RBFOX1: variants seen among roughly 807,000 people sequenced by gnomAD.
RBFOX1 encodes RNA binding fox-1 homolog 1.
A neutral mutation model predicts 57.7 loss-of-function variants in RBFOX1; 8 were observed. That is an observed-to-expected ratio of 0.14 (90% CI 0.08 to 0.25). RBFOX1 has a LOEUF of 0.25. RBFOX1 is among the 10% of genes least tolerant of loss of function. The probability of loss-of-function intolerance (pLI) is 1.00; values close to 1 mark genes in which losing one functional copy is unlikely to be tolerated. For synonymous variants in RBFOX1, 326 were observed against 222.4 expected, an observed-to-expected ratio of 1.47 and a Z score of -4.15; for missense variants, 611 against 548.5, an observed-to-expected ratio of 1.11 and a Z score of -1.14.
chr16:6,865,250 G>C (rs149330874), intron 3 of RBFOX1, among the ~76,000 whole-genome samples: 3,279 of 151,922 alleles, frequency 0.022, 122 homozygotes, highest in African/African-American at 0.07. Context: ...TGATCCACCC[G>C]CCTTGGCCTC....
At chr16:6,855,525 T>G (rs2057685208) in intron 3 of RBFOX1, among the ~76,000 whole-genome samples, 1 of 151,582 alleles carries the variant, frequency 6.6e-6, no homozygotes, top group Non-Finnish European at 1.5e-5. Context: ...CGATGGCAGG[T>G]GCCTGTAGTC....
chr16:6,299,765 G>A (rs201451118), intron 1 of RBFOX1, among the ~76,000 whole-genome samples: 3 of 152,160 alleles, frequency 2.0e-5, no homozygotes, highest in Non-Finnish European at 2.9e-5. Context: ...AGTTAAAGGC[G>A]TGGCTGTCCT....
chr16:5,247,152 T>A (rs1304398042), intron 1 of RBFOX1, among the ~76,000 whole-genome samples: 3 of 152,190 alleles, frequency 2.0e-5, no homozygotes, highest in Non-Finnish European at 4.4e-5. Context: ...ACATTGTTGC[T>A]GGAAGTATAA....
At chr16:7,348,040 G>T (rs941086576) in intron 4 of RBFOX1, among the ~76,000 whole-genome samples, 2 of 152,188 alleles carry the variant, frequency 1.3e-5, no homozygotes, top group Non-Finnish European at 2.9e-5. Context: ...ATTTAAGCTC[G>T]TTGCCTCCTT....
chr16:5,375,196 T>C (rs2065954583), intron 1 of RBFOX1, among the ~76,000 whole-genome samples: 1 of 152,020 alleles, frequency 6.6e-6, no homozygotes, highest in Non-Finnish European at 1.5e-5. Flanking sequence ...TTTAGCACTT[T>C]AATGGTCATT....
intron 4 of RBFOX1, among the ~76,000 whole-genome samples, chr16:7,272,844 C>G (rs2095352688): frequency 6.7e-6 from 1 of 148,752 alleles, no homozygotes; most frequent in African/African-American, 2.5e-5. Flanking sequence ...TCCCCTCCCT[C>G]CCTTCCCTTC....
intron 3 of RBFOX1, among the ~76,000 whole-genome samples, chr16:6,942,682 A>T (rs2078760780): frequency 6.6e-6 from 1 of 152,156 alleles, no homozygotes; most frequent in Non-Finnish European, 1.5e-5. Context: ...TCTGACTTGG[A>T]TGTGAACTTG....
chr16:7,409,891 C>T (rs114107337), intron 4 of RBFOX1, among the ~76,000 whole-genome samples: 1,545 of 152,176 alleles, frequency 0.01, 24 homozygotes, highest in African/African-American at 0.036. Context: ...AATGGAGTTC[C>T]GGCAATGTCT....
At chr16:6,072,941 C>T (rs75340647) in intron 1 of RBFOX1, among the ~76,000 whole-genome samples, 3 of 152,194 alleles carry the variant, frequency 2.0e-5, no homozygotes, top group African/African-American at 2.4e-5. Context: ...AAATTGTATA[C>T]GTTAAATATG....
At chr16:7,359,940 C>G (rs1478834949) in intron 4 of RBFOX1, among the ~76,000 whole-genome samples, 1 of 151,436 alleles carries the variant, frequency 6.6e-6, no homozygotes, top group Non-Finnish European at 1.5e-5. Flanking sequence ...GCCGAGATCG[C>G]GCCACTGCAC....
intron 3 of RBFOX1, among the ~76,000 whole-genome samples, chr16:7,009,412 A>G (rs1047774713): frequency 5.3e-5 from 8 of 151,746 alleles, no homozygotes; most frequent in African/African-American, 1.9e-4. Context: ...ACTGTGACAA[A>G]TCCACAGGCC....
intron 4 of RBFOX1, among the ~76,000 whole-genome samples, chr16:7,303,508 C>G (rs1010230127): frequency 6.6e-6 from 1 of 152,202 alleles, no homozygotes; most frequent in Non-Finnish European, 1.5e-5. Flanking sequence ...CGCTCGCCTG[C>G]TCACCGGCAG....
At chr16:6,874,094 T>C (rs1212430689) in intron 3 of RBFOX1, 2 of 152,192 alleles carry the variant, frequency 1.3e-5, no homozygotes, top group East Asian at 3.9e-4. Flanking sequence ...TGCATGTTTA[T>C]AGCAGCACAA....
At chr16:6,627,225 AG>A (rs2098322867) in intron 2 of RBFOX1, among the ~76,000 whole-genome samples, 1 of 152,178 alleles carries the variant, frequency 6.6e-6, no homozygotes, top group Non-Finnish European at 1.5e-5. Context: ...GGTCCAGCAC[AG>A]GGGAATGAGA....
rs145530176 is a variant in RBFOX1, at chr16:6,872,141, C to T, written c.-15-179916C>T. Among the ~76,000 whole-genome samples, 49 of 152,178 alleles carry T rather than the reference C, an allele frequency of 3.2e-4. No individual in the cohort carries two copies. The East Asian group carries it at 7.3e-3, about 23-fold the overall frequency. On this transcript the variant is annotated intron_variant, in intron 3 of 15. Transcript: ENST00000550418. ...TTTTAATATGATACGCTTTCTTTTC[C>T]ACCAAATGGAAAACTGTGAGAGCAG...
At chr16:7,193,796 C>T (rs2086018761) in intron 4 of RBFOX1, among the ~76,000 whole-genome samples, 1 of 152,084 alleles carries the variant, frequency 6.6e-6, no homozygotes, top group African/African-American at 2.4e-5. Context: ...ACAACAGGTC[C>T]TAGAAGATAT....
In RBFOX1 at chr16:5,961,021, C is replaced by T. The variant is rs907018740; in HGVS notation, c.351+93686C>T. ...ACCTTCTCCGGACTTTTCATTTTCA[C>T]GGCATGAAGGTGACATGGGTGATCC... is the stretch of plus-strand genomic sequence containing the variant. On this transcript the variant is annotated intron_variant, in intron 4 of 19. Coordinates refer to the RBFOX1 transcript ENST00000641259. 5.3e-5 allele frequency among the ~76,000 whole-genome samples: 8 copies of T among 152,214 alleles called. No individual in the cohort carries two copies. The South Asian group carries it at 1.0e-3, about 20-fold the overall frequency.
chr16:6,488,059 A>T (rs1005531036), intron 2 of RBFOX1, among the ~76,000 whole-genome samples: 4 of 152,124 alleles, frequency 2.6e-5, no homozygotes, highest in African/African-American at 9.7e-5. Flanking sequence ...CTTTCAATCC[A>T]ATACAGAAAG....
chr16:6,676,291 A>G (rs2057673395), intron 3 of RBFOX1, among the ~76,000 whole-genome samples: 1 of 152,054 alleles, frequency 6.6e-6, no homozygotes, highest in South Asian at 2.1e-4. Context: ...AGGTGTGTGG[A>G]GAAAGTGGAT....
Sources: allele counts gnomAD v4.1 joint callset (sites outside exome capture counted in the v4.1 genomes callset), GRCh38; gene constraint gnomAD v4.1.1; transcripts MANE v1.5; gene names NCBI Gene and HGNC (gene_info 2026-07-23, HGNC 2026-07-21).